The following SGTA variants were observed in gnomAD, a reference collection of about 807,000 sequenced individuals.
The protein encoded by SGTA is small glutamine rich tetratricopeptide repeat co-chaperone alpha.
A neutral mutation model predicts 44.3 loss-of-function variants in SGTA; 22 were observed. That is an observed-to-expected ratio of 0.50 (90% CI 0.36 to 0.71). The LOEUF (loss-of-function observed/expected upper bound fraction) is 0.71, where lower values mean the gene tolerates loss of function less well. Ranked by LOEUF, SGTA falls within the 30% of genes least tolerant of loss-of-function variation. The pLI is 0.00. For synonymous variants in SGTA, 174 were observed against 177.6 expected (o/e 0.98, Z 0.16); for missense variants, 341 against 435.9 (o/e 0.78, Z 1.94).
At chr19:2,775,160 G>C (rs1211761437) in intron 1 of SGTA, among the ~76,000 whole-genome samples, 1 of 152,262 alleles carries the variant, frequency 6.6e-6, no homozygotes, top group African/African-American at 2.4e-5. Flanking sequence ...CTATGCGGCA[G>C]GACTGGGGAT....
At position 2,765,150 on chromosome 19, in the gene SGTA, G is replaced by A. The variant is rs547039163; in HGVS notation, c.392+36C>T. On this transcript the variant is annotated intron_variant, in intron 5 of 11. Coordinates refer to ENST00000221566, the MANE Select transcript of SGTA (RefSeq NM_003021.4). This position sits in a 1 kb window ranked among gnomAD's most constrained non-coding sequence, Gnocchi z 5.5. ...CATCCCGGAGGACGCCCCCGCACCC[G>A]GCCGCCCCTGCCCTGGGCAGGCCCT... 1.2e-4 allele frequency: 180 copies of A among 1,531,244 alleles called. 2 individuals carry two copies. In the South Asian group the frequency reaches 1.8e-3, roughly 16 times the overall value. 94.9% of individuals were successfully genotyped at this position (1,531,244 alleles called of 1,614,324 possible).
At chr19:2,777,639 T>A (rs899141944) in intron 1 of SGTA, 25 of 152,088 alleles carry the variant, frequency 1.6e-4, no homozygotes, top group African/African-American at 5.6e-4. Context: ...GGTGCCGACA[T>A]CTCTTCAGAG....
intron 9 of SGTA, among the ~76,000 whole-genome samples, 148 bp downstream of exon 9, chr19:2,759,081 GGTGGTGACAGTTGCATGACAGTGTGATA>G (rs570109966): frequency 0.047 from 7,180 of 151,846 alleles, 324 homozygotes; most frequent in South Asian, 0.14. Context: ...ACAGTGTGAT[GGTGGTGACAGTTGCATGACAGTGTGATA>G]GTGGTGACAG....
In SGTA at chr19:2,775,973, T is replaced by C. The variant is rs539832021; in HGVS notation, c.-23-6882A>G. On this transcript the variant is annotated intron_variant, in intron 1 of 11. Transcript: ENST00000221566. ...TTTCCGCCCCCATCTCAGGACACAA[T>C]GGACAGCCCAGAACTTTGAGGTCTG... 3.3e-5 allele frequency among the ~76,000 whole-genome samples: 5 copies of C among 152,256 alleles called. No homozygotes were observed. In the East Asian group the frequency reaches 7.7e-4, roughly 23 times the overall value.
chr19:2,778,919 G>A (rs765121037), intron 1 of SGTA, among the ~76,000 whole-genome samples: 14 of 152,204 alleles, frequency 9.2e-5, no homozygotes, highest in Admixed American at 7.2e-4. Flanking sequence ...TGTCCAGTGT[G>A]AGCAGGAGCA....
At chr19:2,774,553 T>A (rs994285650) in intron 1 of SGTA, among the ~76,000 whole-genome samples, 1 of 152,148 alleles carries the variant, frequency 6.6e-6, no homozygotes, top group African/African-American at 2.4e-5. Flanking sequence ...CGTGCACGCG[T>A]ACACAGAGGC....
At chr19:2,782,237 A>G (rs1452714015) in intron 1 of SGTA, among the ~76,000 whole-genome samples, 1 of 152,174 alleles carries the variant, frequency 6.6e-6, no homozygotes, top group African/African-American at 2.4e-5. Context: ...GACAAGCACA[A>G]ATGTCACCAA....
chr19:2,762,489 G>A lies in SGTA; in HGVS notation c.636+17C>T, dbSNP rs376736350. 17 of 1,612,768 alleles carry A rather than the reference G, an allele frequency of 1.1e-5. 1 individual carries two copies. The highest frequency in any genetic ancestry group is 5.0e-5 in the Admixed American group (3 of 59,958). ...TCAGCTCGGCGTTCTGGAGCCACTC[G>A]CCCCCGCTGCACTCACGGGGCTGGG... On this transcript the variant is annotated intron_variant, in intron 7 of 11. Transcript: ENST00000221566.
intron 1 of SGTA, among the ~76,000 whole-genome samples, chr19:2,780,298 G>C (rs1411764795): frequency 6.6e-6 from 1 of 152,128 alleles, no homozygotes; most frequent in African/African-American, 2.4e-5. Context: ...ACCAACAGCA[G>C]GGCAGGAGAG....
In SGTA at chr19:2,765,215, G is replaced by A. The variant is rs748616908; in HGVS notation, c.363C>T (p.Asn121=). 7 of 1,614,112 alleles carry A rather than the reference G, an allele frequency of 4.3e-6. No individual in the cohort carries two copies. Among genetic ancestry groups the A allele is most frequent in the Non-Finnish European group, 5.9e-6 (7 of 1,179,994 alleles). The change falls in exon 5 of 12, where the codon AAC becomes AAT. Residue 121 remains asparagine, a synonymous_variant. Transcript: ENST00000221566. This position sits in a 1 kb window ranked among gnomAD's most constrained non-coding sequence, Gnocchi z 5.5. The stretch of plus-strand genomic sequence containing the variant: ...TGCAGAAATAGACGGCGTTGGCTGG[G>A]TTGAGCTCGATGGCTTTTCCGTAGA... ...VHFYGKAIEL[N]PANAVYFCNR... is the part of the protein sequence containing the mutation.
In SGTA at chr19:2,774,391, C is replaced by G. The variant is rs532918551; in HGVS notation, c.-23-5300G>C. On this transcript the variant is annotated intron_variant, in intron 1 of 11. Transcript: ENST00000221566. ...GACACGGAGGGAGGGAGCAGCTGCGCGTTGCTCACTGTGCTGCGGTCCCAG... is the reference window on the plus strand; with the variant it reads ...GACACGGAGGGAGGGAGCAGCTGCGGGTTGCTCACTGTGCTGCGGTCCCAG... 1.3e-3 allele frequency among the ~76,000 whole-genome samples: 198 copies of G among 152,266 alleles called. 2 individuals are homozygous for G. Among genetic ancestry groups the G allele is most frequent in the African/African-American group, 4.4e-3 (182 of 41,562 alleles).
chr19:2,759,315 G>C (rs911829991), intron 8 of SGTA, 21 bp from the exon 9 acceptor site: 1 of 1,612,030 alleles, frequency 6.2e-7, no homozygotes, highest in South Asian at 1.1e-5. Context: ...GAACAAATTT[G>C]TCAGGAAGAC....
chr19:2,762,204 G>A (rs115008024), intron 7 of SGTA, among the ~76,000 whole-genome samples: 1 of 152,026 alleles, frequency 6.6e-6, no homozygotes, highest in Non-Finnish European at 1.5e-5. Flanking sequence ...GCTCCAACCA[G>A]CCAACCCGAA....
At chr19:2,778,261 G>A (rs927850951) in intron 1 of SGTA, among the ~76,000 whole-genome samples, 3 of 152,110 alleles carry the variant, frequency 2.0e-5, no homozygotes, top group Non-Finnish European at 4.4e-5. Flanking sequence ...TCCTTCGCAG[G>A]GAACTAACAC....
intron 4 of SGTA, among the ~76,000 whole-genome samples, chr19:2,766,865 A>C (rs1389078806): frequency 6.6e-6 from 1 of 151,764 alleles, no homozygotes; most frequent in African/African-American, 2.4e-5. Flanking sequence ...GAAGCTGTGC[A>C]ACTTTTGGGG....
At chr19:2,768,451 C>A (rs1321247796) in intron 2 of SGTA, among the ~76,000 whole-genome samples, 1 of 152,178 alleles carries the variant, frequency 6.6e-6, no homozygotes, top group Non-Finnish European at 1.5e-5. Context: ...GAACCTGCAG[C>A]CACACGAGGG....
intron 1 of SGTA, among the ~76,000 whole-genome samples, chr19:2,769,816 C>A (rs561972827): frequency 6.5e-5 from 9 of 138,408 alleles, no homozygotes; most frequent in African/African-American, 2.4e-4. Flanking sequence ...ACCTGACACC[C>A]TCCTGGTTCC....
chr19:2,757,759 C>T lies in SGTA; in HGVS notation c.761G>A (p.Gly254Asp). 2 of 1,602,648 alleles carry T rather than the reference C, an allele frequency of 1.2e-6. No homozygotes were observed. Among genetic ancestry groups the T allele is most frequent in the Non-Finnish European group, 1.7e-6 (2 of 1,175,128 alleles). ...GCCGGGAGTTCCCAAGGGGTTGTTG[C>T]CACCCGAAATCATGCCGGACATGCT... ...QQLMSGMISGGNNPLGTPGTS... is the reference protein window; with the variant it reads ...QQLMSGMISGDNNPLGTPGTS... The change falls in exon 10 of 12, where the codon GGC (glycine) becomes GAC (aspartate). Residue 254 changes from glycine (G) to aspartate (D), a missense_variant. Physicochemically the swap from Gly to Asp is moderately conservative, Grantham distance 94. Transcript: ENST00000221566.
intron 1 of SGTA, chr19:2,770,147 C>T (rs1021296406): frequency 1.2e-5 from 2 of 169,284 alleles, no homozygotes; most frequent in Non-Finnish European, 2.6e-5. Flanking sequence ...CTCGGACATC[C>T]GCCTGGTCCC....
Sources: allele counts gnomAD v4.1 joint callset (sites outside exome capture counted in the v4.1 genomes callset), GRCh38; gene constraint gnomAD v4.1.1; non-coding constraint Gnocchi (gnomAD v3.1); transcripts MANE v1.5; gene names NCBI Gene and HGNC (gene_info 2026-07-23, HGNC 2026-07-21).